Variants in TARS2 observed in about 807,000 individuals in gnomAD.
The protein encoded by TARS2 is threonine--tRNA ligase, mitochondrial.
A neutral mutation model predicts 94.4 loss-of-function variants in TARS2; 61 were observed. The ratio of observed to expected loss-of-function variants is 0.65; its 90% CI spans 0.53 to 0.80. The LOEUF is 0.80. Ranked by LOEUF, TARS2 falls within the 30% of genes least tolerant of loss-of-function variation. The pLI, the probability that TARS2 is intolerant of heterozygous loss-of-function variation, is 0.00. For synonymous variants in TARS2, 359 were observed against 353.4 expected, an observed-to-expected ratio of 1.02 and a Z score of -0.18; for missense variants, 704 against 902.5, an observed-to-expected ratio of 0.78 and a Z score of 2.82.
At chr1:150,505,762 A>C in intron 17 of TARS2, 57 bp downstream of exon 17, 1 of 1,526,998 alleles carries the variant, frequency 6.5e-7, no homozygotes, top group Non-Finnish European at 9.0e-7. Context: ...TCTTGCTGTT[A>C]AGTTTACCAA....
chr1:150,506,584 C>T (rs1183907371), intron 17 of TARS2, among the ~76,000 whole-genome samples: 3 of 150,892 alleles, frequency 2.0e-5, no homozygotes, highest in Non-Finnish European at 4.4e-5. Flanking sequence ...GACACACACA[C>T]ACACACACAC....
chr1:150,506,914 A>G lies in TARS2; in HGVS notation c.2009-2A>G, dbSNP rs899345055. The G allele has an allele frequency of 6.2e-7, 1 of 1,614,058 alleles. No individual in the cohort carries two copies. Among genetic ancestry groups the G allele is most frequent in the African/African-American group, 1.3e-5 (1 of 75,020 alleles). On this transcript the variant is annotated splice_acceptor_variant, in intron 17 of 17. Transcript: ENST00000369064. LOFTEE classifies it high-confidence loss of function. The stretch of plus-strand genomic sequence containing the variant: ...AGGTTCCCAAACTTCCTCTACCTGC[A>G]GTGGTTGGCCAGAAAGAGCAAAGTA...
rs587698926 is a variant in TARS2, at chr1:150,496,803, A to C, written c.922-7A>C. 6.2e-7 allele frequency: 1 copy of C among 1,613,366 alleles called. No homozygotes were observed. The highest frequency in any genetic ancestry group is 1.7e-5 in the Admixed American group (1 of 59,976). On this transcript the variant is annotated splice_region_variant and splice_polypyrimidine_tract_variant and intron_variant, in intron 8 of 17. Transcript: ENST00000369064. ...AGGTGACCCAATATTGCTATTCCTG[A>C]CCCCAGGAACAGGAGCTCTTCTTCT...
At chr1:150,487,730 TCA>T in intron 1 of TARS2, 126 bp from the exon 2 acceptor site, 2 of 1,361,852 alleles carry the variant, frequency 1.5e-6, no homozygotes, top group Non-Finnish European at 2.0e-6. Context: ...GGGTCTTGTA[TCA>T]CCCAATCCCC....
chr1:150,502,385 A>ATTT (rs745871348), intron 13 of TARS2, among the ~76,000 whole-genome samples: 2 of 122,858 alleles, frequency 1.6e-5, no homozygotes, highest in Non-Finnish European at 3.4e-5. Context: ...CGCCCAGCTA[A>ATTT]TTTTTTTTTT....
At chr1:150,500,805 C>CA in intron 13 of TARS2, among the ~76,000 whole-genome samples, 1 of 152,244 alleles carries the variant, frequency 6.6e-6, no homozygotes, top group East Asian at 1.9e-4. Context: ...GCCTGGGCGA[C>CA]AGAGTGAGGC....
At chr1:150,490,459 A>G (rs1669332969) in intron 3 of TARS2, 142 bp from the exon 4 acceptor site, 1 of 1,323,130 alleles carries the variant, frequency 7.6e-7, no homozygotes, top group Admixed American at 2.5e-5. Context: ...TCACCCCCAA[A>G]ATCTAGGATC....
intron 13 of TARS2, among the ~76,000 whole-genome samples, chr1:150,503,577 G>A (rs12730412): frequency 0.59 from 83,664 of 141,230 alleles, 25,553 homozygotes; most frequent in African/African-American, 0.63. Flanking sequence ...GTGTGTGTGT[G>A]TATATATATG....
intron 7 of TARS2, among the ~76,000 whole-genome samples, chr1:150,493,353 A>G (rs1320905091): frequency 6.6e-6 from 1 of 152,110 alleles, no homozygotes; most frequent in African/African-American, 2.4e-5. Flanking sequence ...AGCAAGCTGG[A>G]TGGGTCATAC....
intron 13 of TARS2, among the ~76,000 whole-genome samples, chr1:150,501,779 C>G (rs1485233248): frequency 6.6e-6 from 1 of 151,922 alleles, no homozygotes; most frequent in Non-Finnish European, 1.5e-5. Context: ...ATCAAGGCAC[C>G]ACACTCCAGC....
chr1:150,498,814 T>C, intron 11 of TARS2, 83 bp from the exon 12 acceptor site: 1 of 1,610,520 alleles, frequency 6.2e-7, no homozygotes, highest in Non-Finnish European at 8.5e-7. Context: ...CTCTCTGTTT[T>C]TGCCCTTTGT....
chr1:150,503,036 G>C (rs1381459373), intron 13 of TARS2, among the ~76,000 whole-genome samples: 1 of 152,180 alleles, frequency 6.6e-6, no homozygotes, highest in Non-Finnish European at 1.5e-5. Context: ...TATAAAAAGA[G>C]AGAGCAAAAA....
Position 150,496,912 on chromosome 1 carries a change from A to G in TARS2, c.1020+4A>G. The G allele has an allele frequency of 1.2e-6, 2 of 1,613,760 alleles. No homozygotes were observed. Among genetic ancestry groups the G allele is most frequent in the South Asian group, 1.1e-5 (1 of 91,060 alleles). ...TGCACTAGTGGCGTTTATCAGGGTAAGGGGACCCAGGTCTAGAGGAAAGAA... is the reference window on the plus strand; with the variant it reads ...TGCACTAGTGGCGTTTATCAGGGTAGGGGGACCCAGGTCTAGAGGAAAGAA... On this transcript the variant is annotated splice_donor_region_variant and intron_variant, in intron 9 of 17. Transcript: ENST00000369064.
In TARS2 at chr1:150,491,665, A is replaced by G. The variant is rs587777594; in HGVS notation, c.695+3A>G. 38 of 1,613,994 alleles carry G rather than the reference A, an allele frequency of 2.4e-5. No homozygotes were observed. The highest frequency in any genetic ancestry group is 3.1e-5 in the Non-Finnish European group (36 of 1,179,990). On this transcript the variant is annotated splice_donor_region_variant and intron_variant, in intron 6 of 17. Coordinates refer to ENST00000369064, the MANE Select transcript of TARS2 (RefSeq NM_025150.5). ...GGTCCAACAGCAACAGTATATGGGTAAGAGTTGTCAAGATTAAGGCAAACA... is the reference window on the plus strand; with the variant it reads ...GGTCCAACAGCAACAGTATATGGGTGAGAGTTGTCAAGATTAAGGCAAACA...
chr1:150,493,872 T>A (rs1218614177), intron 7 of TARS2, among the ~76,000 whole-genome samples: 1 of 151,666 alleles, frequency 6.6e-6, no homozygotes, highest in Non-Finnish European at 1.5e-5. Flanking sequence ...AGCTCTGAAC[T>A]TAGACTGGGC....
rs1480299121 is a variant in TARS2, at chr1:150,505,645, G to A, written c.1948G>A (p.Gly650Arg). The change falls in exon 17 of 18, where the codon GGA becomes AGA. Residue 650 changes from glycine to arginine, a missense_variant. By Grantham distance (125) the Gly-to-Arg change is moderately radical. Transcript: ENST00000369064. ...GGTCAGTGACCTGGATGCAGACTCT[G>A]GACTGACCCTCAGCCGGAGAATCCG... ...GLVSDLDADS[G>R]LTLSRRIRRA... The A allele has an allele frequency of 1.2e-6, 2 of 1,614,076 alleles. No individual in the cohort carries two copies. Among genetic ancestry groups the A allele is most frequent in the Non-Finnish European group, 1.7e-6 (2 of 1,180,044 alleles).
In TARS2 at chr1:150,491,527, G is replaced by C; in HGVS notation, c.630+16G>C. ...GTTGTTCAAGGTGGGGTGGAGGGAAGAGGTGGCTCTTCCAGGACATCTTTG... is the reference window on the plus strand; with the variant it reads ...GTTGTTCAAGGTGGGGTGGAGGGAACAGGTGGCTCTTCCAGGACATCTTTG... On this transcript the variant is annotated intron_variant, in intron 5 of 17. Transcript: ENST00000369064. The C allele has an allele frequency of 1.2e-6, 2 of 1,614,138 alleles. No individual in the cohort carries two copies. Among genetic ancestry groups the C allele is most frequent in the African/African-American group, 1.3e-5 (1 of 75,052 alleles).
intron 13 of TARS2, among the ~76,000 whole-genome samples, chr1:150,499,585 C>T (rs1006973517): frequency 1.3e-5 from 2 of 152,238 alleles, no homozygotes; most frequent in South Asian, 2.1e-4. Flanking sequence ...AGACTGGTCT[C>T]GAACTCCTGA....
chr1:150,495,334 T>TACAC (rs1398761475), intron 7 of TARS2, among the ~76,000 whole-genome samples: 1 of 148,952 alleles, frequency 6.7e-6, no homozygotes, highest in Admixed American at 6.8e-5. Context: ...GACAGATGTA[T>TACAC]ATACACACAC....
Sources: allele counts gnomAD v4.1 joint callset (sites outside exome capture counted in the v4.1 genomes callset), GRCh38; gene constraint gnomAD v4.1.1; transcripts MANE v1.5; gene names NCBI Gene and HGNC (gene_info 2026-07-23, HGNC 2026-07-21).